Variants in PCSK5 observed in about 807,000 individuals in gnomAD.
PCSK5 encodes the protein proprotein convertase subtilisin/kexin type 5.
In PCSK5, 129 loss-of-function variants were observed where a neutral mutation model predicts 233.2. The ratio of observed to expected loss-of-function variants is 0.55; its 90% CI spans 0.48 to 0.64. The LOEUF is 0.64. Among genes scored for constraint, PCSK5 ranks in the 30% least tolerant of loss-of-function variants. The pLI, the probability that PCSK5 is intolerant of heterozygous loss-of-function variation, is 0.00. For synonymous variants in PCSK5, 825 were observed against 879.2 expected (o/e 0.94, Z 1.09); for missense variants, 2,076 against 2,430.1 (o/e 0.85, Z 3.06).
At chr9:76,228,665 T>C (rs202138330) in intron 21 of PCSK5, among the ~76,000 whole-genome samples, 2 of 152,372 alleles carry the variant, frequency 1.3e-5, no homozygotes, top group East Asian at 3.9e-4. Context: ...TAGCACTGAA[T>C]ATTTTTTGGC....
At chr9:76,101,061 G>A (rs941907502) in intron 8 of PCSK5, among the ~76,000 whole-genome samples, 5 of 151,984 alleles carry the variant, frequency 3.3e-5, no homozygotes, top group African/African-American at 1.2e-4. Flanking sequence ...TCCTTTACCC[G>A]GTTCAATTTT....
Position 76,348,939 on chromosome 9 carries a change from T to C in PCSK5, c.4967-1889T>C, listed in dbSNP as rs371406808. The stretch of plus-strand genomic sequence containing the variant: ...CATTTAAAAAAAACTCTCTTGTATG[T>C]TAAAAATTGAAGTAAGACATCTAAG... On this transcript the variant is annotated intron_variant, in intron 35 of 37. Transcript: ENST00000674117. Among the ~76,000 whole-genome samples the C allele has an allele frequency of 1.3e-4, 20 of 152,138 alleles. No individual in the cohort carries two copies. In the East Asian group the frequency reaches 2.9e-3, roughly 22 times the overall value.
At chr9:76,251,986 G>T (rs947399746) in intron 24 of PCSK5, among the ~76,000 whole-genome samples, 3 of 151,988 alleles carry the variant, frequency 2.0e-5, no homozygotes, top group African/African-American at 7.3e-5. Flanking sequence ...AGATAAAAGA[G>T]GCCGGGCGTG....
intron 1 of PCSK5, among the ~76,000 whole-genome samples, chr9:75,924,727 C>G (rs1290453565): frequency 1.3e-5 from 2 of 152,190 alleles, no homozygotes; most frequent in Admixed American, 6.5e-5. Flanking sequence ...CTCTGTACAA[C>G]TCTTAGAAAT....
At chr9:76,134,062 A>AT in intron 9 of PCSK5, 47 bp from the exon 10 acceptor site, 1 of 1,146,798 alleles carries the variant, frequency 8.7e-7, no homozygotes, top group African/African-American at 1.8e-5. Context: ...TGCTTCCCCC[A>AT]TCTTTTTTTT....
At chr9:76,199,842 C>A (rs901562825) in intron 20 of PCSK5, among the ~76,000 whole-genome samples, 1 of 152,120 alleles carries the variant, frequency 6.6e-6, no homozygotes, top group East Asian at 1.9e-4. Flanking sequence ...AACTACTTGA[C>A]ATTTCCCTTC....
At chr9:76,041,608 A>C (rs938070759) in intron 5 of PCSK5, among the ~76,000 whole-genome samples, 7 of 152,112 alleles carry the variant, frequency 4.6e-5, no homozygotes, top group Non-Finnish European at 7.4e-5. Flanking sequence ...TTGGGAGGCC[A>C]AGGCGGGCGG....
rs192934782 is a variant in PCSK5 at position 76,189,854 on chromosome 9, T to C, written c.2626+108T>C. 10 of 616,652 alleles carry C rather than the reference T, an allele frequency of 1.6e-5. No individual in the cohort carries two copies. The Admixed American group carries it at 2.1e-4, about 13-fold the overall frequency. 38.2% of individuals were successfully genotyped at this position (616,652 alleles called of 1,614,324 possible). ...AGAAACTCACAGCATGCATCAGATA[T>C]GACATGCTCAATATTTTGGTGGCAT... On this transcript the variant is annotated intron_variant, in intron 20 of 37. Transcript: ENST00000674117.
At position 76,358,728 on chromosome 9, in the gene PCSK5, A is replaced by T. The variant is rs1298007130; in HGVS notation, c.5470A>T (p.Arg1824Ter). 1.2e-6 allele frequency: 2 copies of T among 1,612,888 alleles called. No homozygotes were observed. Among genetic ancestry groups the T allele is most frequent in the Admixed American group, 3.3e-5 (2 of 60,028 alleles). ...TTACTCCTCCTATAAGAGCAGCTATAGAGAGAGCACCAGCTTTGAAGAGGA... is the reference window on the plus strand; with the variant it reads ...TTACTCCTCCTATAAGAGCAGCTATTGAGAGAGCACCAGCTTTGAAGAGGA... ...KSYSSYKSSY[R>*]ESTSFEEDQV... The change falls in exon 38 of 38, where the codon AGA becomes TGA. Residue 1824 changes from arginine to a stop codon, truncating the protein, a stop_gained. Transcript: ENST00000674117. LOFTEE classifies it high-confidence loss of function.
rs765188142 is a variant in PCSK5 at position 76,359,317 on chromosome 9, G to A, written c.*395G>A. 3.2e-4 allele frequency: 55 copies of A among 170,398 alleles called. No homozygotes were observed. Among genetic ancestry groups the A allele is most frequent in the Non-Finnish European group, 1.4e-4 (11 of 78,636 alleles). The allele number at this position is 170,398 out of a possible 1,614,324, so 10.6% of individuals were successfully genotyped here. ...ATTGTGGAGGTGTCTGCTGCCTCCT[G>A]GTATTCTAATTTTTCTTTATCTAAT... On this transcript the variant is annotated 3_prime_UTR_variant, in exon 38 of 38. Coordinates refer to ENST00000674117, the MANE Select transcript of PCSK5 (RefSeq NM_001372043.1).
At chr9:76,325,249 A>C (rs1276122041) in intron 32 of PCSK5, among the ~76,000 whole-genome samples, 2 of 152,216 alleles carry the variant, frequency 1.3e-5, no homozygotes. Context: ...CTGCGAGGGC[A>C]GGAACTGAGG....
At chr9:76,271,645 G>C (rs1159938838) in intron 24 of PCSK5, among the ~76,000 whole-genome samples, 1 of 151,774 alleles carries the variant, frequency 6.6e-6, no homozygotes, top group African/African-American at 2.4e-5. Context: ...AGACCAGCCT[G>C]GGCAACATAG....
At chr9:76,280,428 TA>T in intron 24 of PCSK5, among the ~76,000 whole-genome samples, 1 of 152,020 alleles carries the variant, frequency 6.6e-6, no homozygotes, top group African/African-American at 2.4e-5. Context: ...TGATTAAGCT[TA>T]GTGAGGAAGG....
intron 21 of PCSK5, 46 bp downstream of exon 21, chr9:76,227,651 G>A: frequency 8.0e-7 from 1 of 1,254,704 alleles, no homozygotes; most frequent in Non-Finnish European, 1.2e-6. Context: ...CTCATGGATT[G>A]CAGGGTGGAG....
intron 2 of PCSK5, among the ~76,000 whole-genome samples, chr9:75,984,949 TC>T (rs952787696): frequency 1.5e-4 from 23 of 152,012 alleles, no homozygotes; most frequent in African/African-American, 5.6e-4. Flanking sequence ...GTGAGAGAGG[TC>T]TTAAAATGTT....
rs1395710825 is a variant in PCSK5 at position 76,346,736 on chromosome 9, T to C, written c.4967-4092T>C. On this transcript the variant is annotated intron_variant, in intron 35 of 37. Transcript: ENST00000674117. ...GGAGACAGGTTTTTCTCACGGGATA[T>C]AAACTAGGTAGAAAAAAAGATGAAT... 4.6e-5 allele frequency among the ~76,000 whole-genome samples: 7 copies of C among 152,240 alleles called. 1 individual carries two copies. Among genetic ancestry groups the C allele is most frequent in the African/African-American group, 1.7e-4 (7 of 41,538 alleles).
intron 13 of PCSK5, among the ~76,000 whole-genome samples, chr9:76,174,420 C>T (rs1429191834): frequency 6.6e-6 from 1 of 151,878 alleles, no homozygotes; most frequent in Non-Finnish European, 1.5e-5. Context: ...GATTCTTCTG[C>T]CTCAGCCCCC....
intron 2 of PCSK5, among the ~76,000 whole-genome samples, chr9:75,950,976 C>T (rs887897383): frequency 5.3e-5 from 8 of 152,158 alleles, no homozygotes; most frequent in African/African-American, 1.9e-4. Flanking sequence ...GCAAAGCAAC[C>T]ATTGAAAGAT....
intron 34 of PCSK5, among the ~76,000 whole-genome samples, chr9:76,337,942 A>G (rs1829725378): frequency 6.6e-6 from 1 of 152,208 alleles, no homozygotes; most frequent in Admixed American, 6.5e-5. Context: ...AATGGTAGCT[A>G]GCAACGATGG....
Sources: gnomAD v4.1 joint callset for allele counts (sites outside exome capture counted in the v4.1 genomes callset) on GRCh38, gnomAD v4.1.1 for gene constraint, MANE v1.5 for transcripts, NCBI Gene and HGNC (gene_info 2026-07-23, HGNC 2026-07-21) for gene names.